PCDH11Y: variants seen among roughly 807,000 people sequenced by gnomAD.
PCDH11Y encodes protocadherin-11 Y-linked.
For synonymous variants in PCDH11Y, 9 were observed against 83.6 expected (o/e 0.11, Z 4.87); for missense variants, 12 against 224.8 (o/e 0.05, Z 6.05).
chrY:5,697,765 A>G, intron 4 of PCDH11Y, among the ~76,000 whole-genome samples: 1 of 32,502 alleles, frequency 3.1e-5, no homozygotes, highest in Non-Finnish European at 7.5e-5. Context: ...TCTTGACTCT[A>G]TCCACCTTGC....
At chrY:5,118,024 C>T in intron 2 of PCDH11Y, among the ~76,000 whole-genome samples, 2 of 31,055 alleles carry the variant, frequency 6.4e-5, no homozygotes, top group Non-Finnish European at 1.5e-4. Flanking sequence ...TACATATACA[C>T]GTATATTATG....
chrY:5,067,585 C>G, intron 1 of PCDH11Y, among the ~76,000 whole-genome samples: 2 of 33,284 alleles, frequency 6.0e-5, no homozygotes, highest in African/African-American at 2.3e-4. Flanking sequence ...AATAACCTTC[C>G]TGTTATTACC....
At chrY:5,228,356 G>C (rs111392757) in intron 2 of PCDH11Y, among the ~76,000 whole-genome samples, 1 of 29,935 alleles carries the variant, frequency 3.3e-5, no homozygotes, top group African/African-American at 1.3e-4. Context: ...TCTCAATTTT[G>C]TCTAACTTTT....
At chrY:5,005,794 A>T in intron 1 of PCDH11Y, among the ~76,000 whole-genome samples, 2 of 32,241 alleles carry the variant, frequency 6.2e-5, no homozygotes, top group Admixed American at 5.8e-4. Context: ...TAATTTGTCC[A>T]TTCATTTCCC....
intron 3 of PCDH11Y, among the ~76,000 whole-genome samples, chrY:5,517,228 T>A: frequency 2.4e-4 from 8 of 33,203 alleles, no homozygotes; most frequent in Non-Finnish European, 3.7e-4. Flanking sequence ...TACTATCTTA[T>A]CTTTAAGAAG....
chrY:5,068,542 C>CTATG, intron 1 of PCDH11Y, among the ~76,000 whole-genome samples: 1 of 21,799 alleles, frequency 4.6e-5, no homozygotes, highest in East Asian at 1.5e-3. Flanking sequence ...TTTGTGTCCT[C>CTATG]TGTGTGTGTG....
intron 2 of PCDH11Y, chrY:5,338,706 C>G: frequency 3.0e-6 from 1 of 336,004 alleles, no homozygotes; most frequent in Non-Finnish European, 4.4e-6. Context: ...ATCGATATGG[C>G]AAATGTGGCC....
intron 4 of PCDH11Y, among the ~76,000 whole-genome samples, chrY:5,644,576 G>A (rs1321232050): frequency 4.8e-4 from 16 of 33,522 alleles, no homozygotes; most frequent in Non-Finnish European, 1.1e-3. Context: ...GCTTACGCCT[G>A]TAATCCCAGC....
chrY:5,288,336 C>G (rs207480236), intron 2 of PCDH11Y, among the ~76,000 whole-genome samples: 1 of 33,236 alleles, frequency 3.0e-5, no homozygotes, highest in South Asian at 6.7e-4. Context: ...TTCTTTGATG[C>G]CTTTGGGGGT....
chrY:5,734,232 T>C, intron 4 of PCDH11Y, among the ~76,000 whole-genome samples: 1 of 31,614 alleles, frequency 3.2e-5, no homozygotes, highest in Non-Finnish European at 7.7e-5. Context: ...GGAGATCTGT[T>C]TGGGTATTGA....
chrY:5,239,432 G>A (rs2124655271), intron 2 of PCDH11Y, among the ~76,000 whole-genome samples: 1 of 32,179 alleles, frequency 3.1e-5, no homozygotes, highest in Admixed American at 2.9e-4. Flanking sequence ...TTGGGGGTCG[G>A]GGGAGTGGGG....
At chrY:5,612,941 C>T in intron 4 of PCDH11Y, among the ~76,000 whole-genome samples, 1 of 28,110 alleles carries the variant, frequency 3.6e-5, no homozygotes, top group Admixed American at 3.3e-4. Flanking sequence ...TCTCGGCTCA[C>T]TGCAACTTCC....
chrY:5,473,104 G>A, intron 2 of PCDH11Y, among the ~76,000 whole-genome samples: 2 of 31,974 alleles, frequency 6.3e-5, no homozygotes, highest in Non-Finnish European at 1.5e-4. Context: ...TACTATCCCC[G>A]TTTTACAAAT....
At chrY:5,482,198 T>C in intron 2 of PCDH11Y, among the ~76,000 whole-genome samples, 1 of 31,519 alleles carries the variant, frequency 3.2e-5, no homozygotes, top group African/African-American at 1.2e-4. Context: ...CTGGTTTCAC[T>C]ATGTTGGTCA....
chrY:5,321,409 G>A (rs2053112540), intron 2 of PCDH11Y, among the ~76,000 whole-genome samples: 1 of 32,801 alleles, frequency 3.0e-5, no homozygotes, highest in African/African-American at 1.2e-4. Context: ...TTTGGATGGG[G>A]ACACAGCCAA....
intron 3 of PCDH11Y, among the ~76,000 whole-genome samples, chrY:5,044,628 C>T (rs1205541966): frequency 4.9e-4 from 16 of 32,532 alleles, no homozygotes; most frequent in African/African-American, 1.9e-3. Context: ...CTATTAGGTC[C>T]GCTTGGTGCA....
chrY:5,211,858 GGAACTCCTGACCTCAAGT>G (rs2052939042), intron 2 of PCDH11Y, among the ~76,000 whole-genome samples: 3 of 32,632 alleles, frequency 9.2e-5, no homozygotes, highest in Non-Finnish European at 2.3e-4. Context: ...AGGCTGGTCT[GGAACTCCTGACCTCAAGT>G]GATCCACCTG....
intron 4 of PCDH11Y, among the ~76,000 whole-genome samples, chrY:5,605,830 G>C: frequency 3.3e-5 from 1 of 30,295 alleles, no homozygotes; most frequent in Non-Finnish European, 7.9e-5. Context: ...GTACAAAAAG[G>C]AATGGAATGT....
chrY:5,734,209 G>A (rs2124715544), intron 4 of PCDH11Y, among the ~76,000 whole-genome samples: 1 of 32,091 alleles, frequency 3.1e-5, no homozygotes, highest in South Asian at 7.4e-4. Context: ...GTGAGGAAGT[G>A]CTTCAAACAC....
Sources: gnomAD v4.1 joint callset for allele counts (sites outside exome capture counted in the v4.1 genomes callset) on GRCh38, gnomAD v4.1.1 for gene constraint, MANE v1.5 for transcripts, NCBI Gene and HGNC (gene_info 2026-07-23, HGNC 2026-07-21) for gene names.